The following WASF1 variants were observed in gnomAD, a reference collection of about 807,000 sequenced individuals.
The protein encoded by WASF1 is actin-binding protein WASF1.
Under a neutral mutation model 50.5 loss-of-function variants are expected in WASF1, and 7 were observed. That is an observed-to-expected ratio of 0.14 (90% CI 0.08 to 0.26). WASF1 has a LOEUF of 0.26. Ranked by LOEUF, WASF1 falls within the 10% of genes least tolerant of loss-of-function variation. WASF1 has a pLI of 1.00. For missense variants in WASF1, 470 were observed against 694.7 expected (o/e 0.68, Z 3.64); for synonymous variants, 205 against 244.0 (o/e 0.84, Z 1.49).
At chr6:110,155,703 C>A (rs1162639031) in intron 3 of WASF1, among the ~76,000 whole-genome samples, 8 of 60,304 alleles carry the variant, frequency 1.3e-4, no homozygotes, top group African/African-American at 4.3e-4. Context: ...TCCCTCCCCC[C>A]TCCCCCGACC....
At chr6:110,122,208 A>C (rs1562169188) in intron 4 of WASF1, among the ~76,000 whole-genome samples, 1 of 151,602 alleles carries the variant, frequency 6.6e-6, no homozygotes, top group Non-Finnish European at 1.5e-5. Flanking sequence ...GAAAGTAAAG[A>C]AGCAGATCTC....
At chr6:110,101,563 C>T in intron 10 of WASF1, 25 bp downstream of exon 10, 1 of 1,583,670 alleles carries the variant, frequency 6.3e-7, no homozygotes, top group African/African-American at 1.3e-5. Context: ...TATAGCAATG[C>T]TTTTCATGGA....
In WASF1 at chr6:110,163,860, T is replaced by G. The variant is rs555542151; in HGVS notation, c.-126-3128A>C. Among the ~76,000 whole-genome samples, 6 of 151,446 alleles carry G rather than the reference T, an allele frequency of 4.0e-5. No homozygotes were observed. The East Asian group carries it at 1.2e-3, about 30-fold the overall frequency. The stretch of plus-strand genomic sequence containing the variant: ...TCAAGACAGTGTAGTTTTGGAGAAA[T>G]AGAAAAATAGTTCAATGAAACTGAA... On this transcript the variant is annotated intron_variant, in intron 2 of 10. Transcript: ENST00000392589.
At chr6:110,124,295 T>C (rs1774323316) in intron 4 of WASF1, among the ~76,000 whole-genome samples, 1 of 119,552 alleles carries the variant, frequency 8.4e-6, no homozygotes, top group Non-Finnish European at 1.6e-5. Flanking sequence ...TATATATATA[T>C]ATATATATAT....
At chr6:110,127,003 C>A (rs1252988176) in intron 4 of WASF1, among the ~76,000 whole-genome samples, 1 of 152,068 alleles carries the variant, frequency 6.6e-6, no homozygotes, top group Non-Finnish European at 1.5e-5. Flanking sequence ...ACTAGCCTAC[C>A]CCTCTGACTA....
At chr6:110,122,724 T>G (rs1325661285) in intron 4 of WASF1, among the ~76,000 whole-genome samples, 1 of 152,198 alleles carries the variant, frequency 6.6e-6, no homozygotes, top group Non-Finnish European at 1.5e-5. Flanking sequence ...GAATACAGTA[T>G]ACTACTACAC....
chr6:110,103,845 C>T (rs998691961), intron 8 of WASF1, among the ~76,000 whole-genome samples: 5 of 152,104 alleles, frequency 3.3e-5, no homozygotes, highest in African/African-American at 7.2e-5. Context: ...GCATTACGTA[C>T]GTAATTTAAT....
At chr6:110,125,148 T>C (rs921046646) in intron 4 of WASF1, among the ~76,000 whole-genome samples, 1 of 152,242 alleles carries the variant, frequency 6.6e-6, no homozygotes, top group Non-Finnish European at 1.5e-5. Flanking sequence ...CTATTTTCGA[T>C]GGAAACTTGT....
At chr6:110,175,044 A>T (rs1041364199) in intron 2 of WASF1, among the ~76,000 whole-genome samples, 1 of 152,166 alleles carries the variant, frequency 6.6e-6, no homozygotes, top group Non-Finnish European at 1.5e-5. Flanking sequence ...ATCTGCCTTC[A>T]GCTCCATCAC....
chr6:110,145,523 T>C (rs1308030011), intron 3 of WASF1, among the ~76,000 whole-genome samples: 4 of 152,184 alleles, frequency 2.6e-5, no homozygotes, highest in Non-Finnish European at 5.9e-5. Flanking sequence ...AGAGAGGGCA[T>C]CCCTGTCTTG....
chr6:110,131,440 T>C (rs1333578801), intron 3 of WASF1, among the ~76,000 whole-genome samples: 1 of 152,226 alleles, frequency 6.6e-6, no homozygotes, highest in Non-Finnish European at 1.5e-5. Flanking sequence ...TTTCTATGTA[T>C]TTTTAAATCA....
At chr6:110,153,229 T>C (rs562846085) in intron 3 of WASF1, among the ~76,000 whole-genome samples, 1 of 152,204 alleles carries the variant, frequency 6.6e-6, no homozygotes, top group Non-Finnish European at 1.5e-5. Flanking sequence ...AACTACAAAA[T>C]TGCTTTCCAA....
intron 3 of WASF1, among the ~76,000 whole-genome samples, chr6:110,130,702 T>C (rs1343023472): frequency 6.6e-6 from 1 of 152,218 alleles, no homozygotes. Flanking sequence ...AGTGTACACA[T>C]TTCTATTGTG....
At chr6:110,135,876 CTTTTTTTTTTTT>C (rs778710982) in intron 3 of WASF1, among the ~76,000 whole-genome samples, 10 of 68,308 alleles carry the variant, frequency 1.5e-4, no homozygotes, top group African/African-American at 5.7e-4. Flanking sequence ...AGTCCATTAT[CTTTTTTTTTTTT>C]TTTTTTTTTT....
intron 4 of WASF1, among the ~76,000 whole-genome samples, chr6:110,118,956 C>T (rs1041689794): frequency 8.6e-5 from 13 of 152,026 alleles, no homozygotes; most frequent in South Asian, 8.3e-4. Context: ...GGGTAAATAA[C>T]AAAATGAAGG....
At chr6:110,128,966 G>A (rs116064636) in intron 3 of WASF1, among the ~76,000 whole-genome samples, 1 of 151,898 alleles carries the variant, frequency 6.6e-6, no homozygotes, top group Non-Finnish European at 1.5e-5. Flanking sequence ...CAGTTTCATC[G>A]CGAAACCATC....
intron 4 of WASF1, among the ~76,000 whole-genome samples, chr6:110,122,253 A>G (rs1774173573): frequency 6.7e-6 from 1 of 149,898 alleles, no homozygotes; most frequent in East Asian, 2.0e-4. Flanking sequence ...AAAAAAAAAA[A>G]GAAGACATAG....
At chr6:110,116,598 G>A (rs1022126400) in intron 4 of WASF1, among the ~76,000 whole-genome samples, 1 of 152,206 alleles carries the variant, frequency 6.6e-6, no homozygotes, top group Non-Finnish European at 1.5e-5. Flanking sequence ...GGGGAAGGAC[G>A]TAGTAGAACA....
intron 3 of WASF1, among the ~76,000 whole-genome samples, chr6:110,151,703 CCT>C (rs2114581812): frequency 6.6e-6 from 1 of 152,182 alleles, no homozygotes. Flanking sequence ...TACAAAATCA[CCT>C]CTATTATGTT....
Sources: gnomAD v4.1 joint callset for allele counts (sites outside exome capture counted in the v4.1 genomes callset) on GRCh38, gnomAD v4.1.1 for gene constraint, MANE v1.5 for transcripts, NCBI Gene and HGNC (gene_info 2026-07-23, HGNC 2026-07-21) for gene names.